The following KCNAB2 variants were observed in gnomAD, a reference collection of about 807,000 sequenced individuals.
KCNAB2 encodes voltage-gated potassium channel subunit beta-2.
In KCNAB2, 29 loss-of-function variants were observed where a neutral mutation model predicts 63.6. That is an observed-to-expected ratio of 0.46 (90% CI 0.34 to 0.62). The LOEUF is 0.62. KCNAB2 is among the 20% of genes least tolerant of loss of function. The probability of loss-of-function intolerance (pLI) is 0.01; values close to 1 mark genes in which losing one functional copy is unlikely to be tolerated. For missense variants in KCNAB2, 359 were observed against 563.9 expected, an observed-to-expected ratio of 0.64 and a Z score of 3.68; for synonymous variants, 222 against 224.2, an observed-to-expected ratio of 0.99 and a Z score of 0.09.
At chr1:6,030,869 GGTGT>G (rs1388903830), upstream of KCNAB2, among the ~76,000 whole-genome samples, 3 of 146,288 alleles carry the variant, frequency 2.1e-5, no homozygotes, top group African/African-American at 8.0e-5. Flanking sequence ...TGTATGTGTA[GGTGT>G]GTGTATGTAT....
intron 2 of KCNAB2, among the ~76,000 whole-genome samples, chr1:6,060,558 G>A (rs1272773713): frequency 6.6e-6 from 1 of 152,136 alleles, no homozygotes; most frequent in African/African-American, 2.4e-5. Context: ...TCTGCAGGAT[G>A]CAGACCCTCA....
chr1:6,051,546 A>G lies in KCNAB2; in HGVS notation c.10A>G (p.Met4Val). ...CAAGCCAGGCGGCACCATGCTGTCC[A>G]TGACGTACAGCGAGAGTCTGCGGAG... Reference protein sequence around the residue: MLSMTYSESLRSVS... With the variant: MLSVTYSESLRSVS... Residue 4 changes from methionine (M) to valine (V), a missense_variant, in exon 2 of 16, where the codon ATG becomes GTG. By Grantham distance (21) the Met-to-Val change is conservative (BLOSUM62 1). Transcript: ENST00000378083. 1 of 1,529,212 alleles carries G rather than the reference A, an allele frequency of 6.5e-7. No homozygotes were observed. Among genetic ancestry groups the G allele is most frequent in the Non-Finnish European group, 8.8e-7 (1 of 1,141,984 alleles). 94.7% of individuals were successfully genotyped at this position (1,529,212 alleles called of 1,614,324 possible). A position where few individuals can be genotyped will look rare whatever the true frequency, so the allele number is the denominator to read the frequency against.
Position 6,086,059 on chromosome 1 carries a change from T to G in KCNAB2, c.425+811T>G, listed in dbSNP as rs564726286. ...GGACCAACTGGGCTGAGCACTTGCC[T>G]ACATTTTGAGGCTCCCCAGACCCCT... On this transcript the variant is annotated intron_variant, in intron 6 of 15. Coordinates refer to ENST00000378083, the MANE Select transcript of KCNAB2 (RefSeq NM_001199862.2). The surrounding 1 kb of genome is among the most constrained non-coding windows in gnomAD (Gnocchi z 4.2). 90 of 985,446 alleles carry G rather than the reference T, an allele frequency of 9.1e-5. 1 individual carries two copies. In the African/African-American group the frequency reaches 1.4e-3, roughly 15 times the overall value. The allele number at this position is 985,446 out of a possible 1,614,324, so 61.0% of individuals were successfully genotyped here.
exon 2 of KCNAB2, chr1:6,040,602 C>T (rs781493823): frequency 3.1e-6 from 5 of 1,613,974 alleles, no homozygotes; most frequent in South Asian, 2.2e-5. Flanking sequence ...CTCCCCGGCT[C>T]GGCTCTCGCT....
At chr1:6,050,561 A>G (rs1218477412) in intron 1 of KCNAB2, among the ~76,000 whole-genome samples, 1 of 152,218 alleles carries the variant, frequency 6.6e-6, no homozygotes, top group Non-Finnish European at 1.5e-5. Flanking sequence ...TTAATTGTCC[A>G]CTATCTCTCA....
upstream of KCNAB2, among the ~76,000 whole-genome samples, chr1:6,031,383 T>A (rs1570904010): frequency 6.6e-6 from 1 of 152,188 alleles, no homozygotes; most frequent in African/African-American, 2.4e-5. This position sits in a 1 kb window ranked among gnomAD's most constrained non-coding sequence, Gnocchi z 4.1. Context: ...TTGCGCCCAA[T>A]ATAATAGTCA....
At chr1:6,000,655 A>AG (rs1657201182) in intron 1 of KCNAB2, among the ~76,000 whole-genome samples, 1 of 45,898 alleles carries the variant, frequency 2.2e-5, no homozygotes, top group Admixed American at 1.9e-4. Flanking sequence ...TTCCCAGAAA[A>AG]GAAAAAAAAA....
intron 1 of KCNAB2, among the ~76,000 whole-genome samples, chr1:5,995,150 G>A (rs936232430): frequency 6.6e-6 from 1 of 152,194 alleles, no homozygotes; most frequent in African/African-American, 2.4e-5. Context: ...GCAGGACAGT[G>A]GGCAGCTCGG....
chr1:6,090,242 T>G, intron 8 of KCNAB2, 147 bp from the exon 9 acceptor site: 1 of 571,860 alleles, frequency 1.7e-6, no homozygotes, highest in Non-Finnish European at 3.1e-6. Flanking sequence ...GCCGTGGCAT[T>G]TCACGACCTC....
rs1665681759 is a variant in KCNAB2, at chr1:6,096,831, G to A, written c.1069+75G>A. On this transcript the variant is annotated intron_variant, in intron 14 of 15. Transcript: ENST00000378083. This position sits in a 1 kb window ranked among gnomAD's most constrained non-coding sequence, Gnocchi z 5.9. ...CAGCTGGCCGTAGGTAACAGGGTGGGGTTGCCATGGGGCCAGTGTCTCCGG... is the reference window on the plus strand; with the variant it reads ...CAGCTGGCCGTAGGTAACAGGGTGGAGTTGCCATGGGGCCAGTGTCTCCGG... 1 of 1,458,828 alleles carries A rather than the reference G, an allele frequency of 6.9e-7. No individual in the cohort carries two copies. Among genetic ancestry groups the A allele is most frequent in the Non-Finnish European group, 9.1e-7 (1 of 1,094,896 alleles). The allele number at this position is 1,458,828 out of a possible 1,614,324, so 90.4% of individuals were successfully genotyped here. A position where few individuals can be genotyped will look rare whatever the true frequency, so the allele number is the denominator to read the frequency against.
chr1:6,059,534 G>A (rs959664869), intron 2 of KCNAB2, among the ~76,000 whole-genome samples: 3 of 152,180 alleles, frequency 2.0e-5, no homozygotes, highest in Non-Finnish European at 4.4e-5. Context: ...CTGGAGGTTT[G>A]GGGCATCTTC....
intron 1 of KCNAB2, among the ~76,000 whole-genome samples, chr1:6,038,897 C>T (rs1403764426): frequency 6.6e-6 from 1 of 152,230 alleles, no homozygotes; most frequent in Non-Finnish European, 1.5e-5. Flanking sequence ...CAGACCATCC[C>T]TTTGCCTGTG....
At chr1:5,996,042 C>T (rs1299397367) in intron 1 of KCNAB2, 5 of 152,318 alleles carry the variant, frequency 3.3e-5, no homozygotes, top group Admixed American at 1.3e-4. Context: ...TCCTTGGTGA[C>T]GGGTGACCCG....
At chr1:6,041,139 C>G (rs1398266127), upstream of KCNAB2, 1 of 157,528 alleles carries the variant, frequency 6.3e-6, no homozygotes, top group Admixed American at 6.3e-5. Context: ...TCCTGACCCC[C>G]TCCTTGTGGA....
Position 6,087,609 on chromosome 1 carries a change from G to A in KCNAB2, c.470+98G>A, listed in dbSNP as rs1664815648. 1.5e-6 allele frequency: 2 copies of A among 1,294,402 alleles called. No individual in the cohort carries two copies. Among genetic ancestry groups the A allele is most frequent in the Admixed American group, 1.7e-5 (1 of 58,096 alleles). The allele number at this position is 1,294,402 out of a possible 1,614,324, so 80.2% of individuals were successfully genotyped here. The stretch of plus-strand genomic sequence containing the variant: ...GACCTAGAAGGCTCCTGGGGTGGCG[G>A]GAGGACAGTCCTCCTTGAGAAGGGA... On this transcript the variant is annotated intron_variant, in intron 7 of 15. Coordinates refer to ENST00000378083, the MANE Select transcript of KCNAB2 (RefSeq NM_001199862.2). The surrounding 1 kb of genome is among the most constrained non-coding windows in gnomAD (Gnocchi z 6.4).
At position 6,073,214 on chromosome 1, in the gene KCNAB2, G is replaced by A. The variant is rs151111085; in HGVS notation, c.262+416G>A. 6.6e-6 allele frequency among the ~76,000 whole-genome samples: 1 copy of A among 152,166 alleles called. No individual in the cohort carries two copies. The highest frequency in any genetic ancestry group is 1.5e-5 in the Non-Finnish European group (1 of 67,988). ...TCCTCTCCTGTCAGATACAAGGCCT[G>A]TTTCCAGAATGTGCAGTCCCCACCT... On this transcript the variant is annotated intron_variant, in intron 3 of 15. Transcript: ENST00000378083. The surrounding 1 kb of genome is among the most constrained non-coding windows in gnomAD (Gnocchi z 5.7).
At chr1:6,081,661 C>G (rs1370665902) in intron 4 of KCNAB2, among the ~76,000 whole-genome samples, 1 of 152,102 alleles carries the variant, frequency 6.6e-6, no homozygotes, top group African/African-American at 2.4e-5. Context: ...GCCAACAGTC[C>G]TTGGCTTGTA....
intron 4 of KCNAB2, among the ~76,000 whole-genome samples, chr1:6,079,996 A>C (rs1346808421): frequency 6.6e-6 from 1 of 152,224 alleles, no homozygotes; most frequent in Non-Finnish European, 1.5e-5. Flanking sequence ...TGAGTGAAAA[A>C]ATCAAAGTGC....
upstream of KCNAB2, among the ~76,000 whole-genome samples, chr1:6,032,229 G>A (rs1472825085): frequency 6.6e-6 from 1 of 152,114 alleles, no homozygotes; most frequent in Non-Finnish European, 1.5e-5. Flanking sequence ...TAGGGGAACC[G>A]AATATTCACA....
Sources: allele counts gnomAD v4.1 joint callset (sites outside exome capture counted in the v4.1 genomes callset), GRCh38; gene constraint gnomAD v4.1.1; non-coding constraint Gnocchi (gnomAD v3.1); transcripts MANE v1.5; gene names NCBI Gene and HGNC (gene_info 2026-07-23, HGNC 2026-07-21).